The following BCR variants were observed in gnomAD, a reference collection of about 807,000 sequenced individuals.
BCR encodes BCR activator of RhoGEF and GTPase, also known as breakpoint cluster region protein.
In BCR, 58 loss-of-function variants were observed where a neutral mutation model predicts 138.6. The observed-to-expected ratio is 0.42, with a 90% CI of 0.34 to 0.52. The LOEUF (loss-of-function observed/expected upper bound fraction) is 0.52. Ranked by LOEUF, BCR falls within the 20% of genes least tolerant of loss-of-function variation. The pLI is 0.06. For missense variants in BCR, 1,599 were observed against 1,727.2 expected (o/e 0.93, Z 1.32); for synonymous variants, 786 against 730.1 (o/e 1.08, Z -1.23).
intron 8 of BCR, among the ~76,000 whole-genome samples, chr22:23,280,155 CAG>C (rs1285763017): frequency 6.6e-6 from 1 of 152,200 alleles, no homozygotes; most frequent in African/African-American, 2.4e-5. Context: ...CTGAGGGGGA[CAG>C]AAACTTTCAG....
At chr22:23,212,733 T>A (rs2146221790) in intron 1 of BCR, among the ~76,000 whole-genome samples, 1 of 152,316 alleles carries the variant, frequency 6.6e-6, no homozygotes, top group Non-Finnish European at 1.5e-5. Flanking sequence ...GGCTGCTCAC[T>A]CCAATTCTGA....
At chr22:23,182,262 G>A in intron 1 of BCR, 23 bp downstream of exon 1, 1 of 1,528,728 alleles carries the variant, frequency 6.5e-7, no homozygotes, top group Non-Finnish European at 8.8e-7. Context: ...CGCCACGTGC[G>A]TGGGCACACC....
At position 23,188,590 on chromosome 22, in the gene BCR, GTGAA is replaced by G. The variant is rs572474500; in HGVS notation, c.1279+6358_1279+6361del. Among the ~76,000 whole-genome samples the G allele has an allele frequency of 2.6e-5, 4 of 152,282 alleles. No individual in the cohort carries two copies. In the Middle Eastern group the frequency reaches 0.01, roughly 388 times the overall value. On this transcript the variant is annotated intron_variant, in intron 1 of 22. Coordinates refer to ENST00000305877, the MANE Select transcript of BCR (RefSeq NM_004327.4). ...GGTTTGAGAGGGTCCCCTGTTTAGA[GTGAA>G]TGAATGGGCATCTTGGAAGCTTTCT...
At chr22:23,282,112 C>T (rs2146297770) in intron 8 of BCR, among the ~76,000 whole-genome samples, 1 of 152,350 alleles carries the variant, frequency 6.6e-6, no homozygotes, top group Middle Eastern at 3.4e-3. Context: ...GGCCGGGAGG[C>T]CCTTTGCTGT....
chr22:23,253,645 C>G (rs1201700977), intron 1 of BCR, among the ~76,000 whole-genome samples, 154 bp from the exon 2 acceptor site: 1 of 152,130 alleles, frequency 6.6e-6, no homozygotes, highest in East Asian at 1.9e-4. Flanking sequence ...GGTCTTTGAC[C>G]AGTCAGTTGT....
intron 1 of BCR, among the ~76,000 whole-genome samples, chr22:23,204,836 A>G (rs1037199902): frequency 6.6e-6 from 1 of 152,152 alleles, no homozygotes; most frequent in Non-Finnish European, 1.5e-5. Context: ...GGTGTCTGCC[A>G]GGGCGGAGGT....
In BCR at chr22:23,181,922, T is replaced by C. The variant is rs2072271415; in HGVS notation, c.962T>C (p.Phe321Ser). 1.2e-6 allele frequency: 2 copies of C among 1,613,248 alleles called. No individual in the cohort carries two copies. Among genetic ancestry groups the C allele is most frequent in the Middle Eastern group, 1.6e-4 (1 of 6,082 alleles). The change falls in exon 1 of 23, where the codon TTT (phenylalanine) becomes TCT (serine). Residue 321 changes from phenylalanine to serine, a missense_variant. This residue lies in a region of BCR where 806 missense variants were observed against 635.0 expected (regional missense o/e 1.27). Transcript: ENST00000305877. ...WPRRSYSPRS[F>S]EDCGGGYTPD... ...CGCAGGTCCTACTCCCCCCGGAGTTTTGAGGATTGCGGAGGCGGCTATACC... is the reference window on the plus strand; with the variant it reads ...CGCAGGTCCTACTCCCCCCGGAGTTCTGAGGATTGCGGAGGCGGCTATACC...
Position 23,181,348 on chromosome 22 carries a change from A to ACCGCCCGCAGGCCCGGGG in BCR, c.390_407dup (p.Arg132_Ala137dup), listed in dbSNP as rs1262549908. 108 of 1,499,258 alleles carry ACCGCCCGCAGGCCCGGGG rather than the reference A, an allele frequency of 7.2e-5. No homozygotes were observed. Among genetic ancestry groups the ACCGCCCGCAGGCCCGGGG allele is most frequent in the Non-Finnish European group, 9.5e-5 (107 of 1,131,104 alleles). 92.9% of individuals were successfully genotyped at this position (1,499,258 alleles called of 1,614,324 possible). On this transcript the variant is annotated inframe_insertion, in exon 1 of 23. Coordinates refer to ENST00000305877, the MANE Select transcript of BCR (RefSeq NM_004327.4). ...TTCTCCGGGTAAGGCCAGGCCCGGG[A>ACCGCCCGCAGGCCCGGGG]CCGCCCGCAGGCCCGGGGCAGCCGC...
intron 4 of BCR, among the ~76,000 whole-genome samples, chr22:23,267,718 C>T (rs1044813866): frequency 1.3e-5 from 2 of 152,224 alleles, no homozygotes; most frequent in African/African-American, 4.8e-5. Context: ...GTGTCTGCTG[C>T]ACTCACACAA....
At chr22:23,305,687 A>G (rs1017544888) in intron 16 of BCR, among the ~76,000 whole-genome samples, 2 of 152,228 alleles carry the variant, frequency 1.3e-5, no homozygotes, top group South Asian at 2.1e-4. Flanking sequence ...CCCGCTGACC[A>G]TAGTCATTCT....
At position 23,287,361 on chromosome 22, in the gene BCR, T is replaced by C. The variant is rs2073727383; in HGVS notation, c.2526+83T>C. The C allele has an allele frequency of 2.8e-6, 4 of 1,452,520 alleles. No homozygotes were observed. In the African/African-American group the frequency reaches 5.7e-5, roughly 21 times the overall value. The allele number at this position is 1,452,520 out of a possible 1,614,324, so 90.0% of individuals were successfully genotyped here. A position where few individuals can be genotyped will look rare whatever the true frequency, so the allele number is the denominator to read the frequency against. ...TGCCTAATGGCAGTGCGTTTTCACT[T>C]GGATGCGCCCCACTCTGAGAGAGGC... is the stretch of plus-strand genomic sequence containing the variant. On this transcript the variant is annotated intron_variant, in intron 11 of 22. Coordinates refer to ENST00000305877, the MANE Select transcript of BCR (RefSeq NM_004327.4).
intron 17 of BCR, 157 bp from the exon 18 acceptor site, chr22:23,310,162 GAAGTA>G (rs1178461948): frequency 1.9e-6 from 1 of 528,840 alleles, no homozygotes; most frequent in Non-Finnish European, 3.5e-6. Context: ...GGCTCTTGCT[GAAGTA>G]GACTAGGGGC....
intron 1 of BCR, chr22:23,242,926 A>C (rs1280492956): frequency 2.2e-6 from 1 of 455,364 alleles, no homozygotes; most frequent in African/African-American, 2.0e-5. Flanking sequence ...GGCCCACGGC[A>C]TTCCTCGACC....
intron 13 of BCR, 86 bp downstream of exon 13, chr22:23,289,707 C>G (rs1310224241): frequency 1.8e-6 from 2 of 1,134,496 alleles, no homozygotes; most frequent in South Asian, 1.3e-5. Context: ...CCTGTTAGCA[C>G]TTTTGATGGG....
chr22:23,268,551 T>A (rs368093227), intron 5 of BCR, 36 bp downstream of exon 5: 21 of 1,539,438 alleles, frequency 1.4e-5, no homozygotes, highest in Admixed American at 1.0e-4. Flanking sequence ...GGTGCACCGC[T>A]GACTCCCACC....
At chr22:23,238,270 CTTGT>C (rs1218901387) in intron 1 of BCR, among the ~76,000 whole-genome samples, 2 of 152,048 alleles carry the variant, frequency 1.3e-5, no homozygotes, top group African/African-American at 4.8e-5. Flanking sequence ...TTTCCAAATA[CTTGT>C]TTAAGAATGG....
At chr22:23,212,989 G>A (rs776366979) in intron 1 of BCR, among the ~76,000 whole-genome samples, 2 of 152,218 alleles carry the variant, frequency 1.3e-5, no homozygotes, top group African/African-American at 4.8e-5. Flanking sequence ...AAAAGGACAA[G>A]GACTGGCAAT....
chr22:23,287,239 T>G lies in BCR; in HGVS notation c.2487T>G (p.Ser829=), dbSNP rs1441988056. ...AGGAGTCACTGCTGCTGCTTATGTC[T>G]CCCAGCATGGCCTTCAGGGTGCACA... ...SEQESLLLLM[S]PSMAFRVHSR... The change falls in exon 11 of 23, where the codon TCT becomes TCG. Residue 829 remains serine (S), a synonymous_variant. Coordinates refer to ENST00000305877, the MANE Select transcript of BCR (RefSeq NM_004327.4). The G allele has an allele frequency of 1.9e-6, 3 of 1,558,990 alleles. No individual in the cohort carries two copies. Among genetic ancestry groups the G allele is most frequent in the Non-Finnish European group, 2.6e-6 (3 of 1,150,828 alleles).
chr22:23,218,157 TG>T (rs1254457300), intron 1 of BCR, among the ~76,000 whole-genome samples: 1 of 152,236 alleles, frequency 6.6e-6, no homozygotes, highest in African/African-American at 2.4e-5. Flanking sequence ...GTCCCTTTGG[TG>T]TGGGGTTTGT....
Sources: allele counts gnomAD v4.1 joint callset (sites outside exome capture counted in the v4.1 genomes callset), GRCh38; gene constraint gnomAD v4.1.1; regional missense constraint gnomAD v4.1.1; transcripts MANE v1.5; gene names NCBI Gene and HGNC (gene_info 2026-07-23, HGNC 2026-07-21).